The following MCC variants were observed in gnomAD, a reference collection of about 807,000 sequenced individuals.
MCC encodes the protein colorectal mutant cancer protein.
MCC carries 90 observed loss-of-function variants against 116.2 expected under a neutral mutation model. The ratio of observed to expected loss-of-function variants is 0.77; its 90% CI spans 0.65 to 0.92. MCC has a LOEUF of 0.92. Among genes scored for constraint, MCC ranks in the 40% least tolerant of loss-of-function variants. The pLI is 0.00. For synonymous variants in MCC, 578 were observed against 510.5 expected (o/e 1.13, Z -1.78); for missense variants, 1,516 against 1,312.2 (o/e 1.16, Z -2.40).
At chr5:113,254,749 A>G (rs1453508086) in intron 3 of MCC, among the ~76,000 whole-genome samples, 1 of 152,114 alleles carries the variant, frequency 6.6e-6, no homozygotes, top group Non-Finnish European at 1.5e-5. Context: ...GTGGTATTGG[A>G]GCCTCTGGAT....
At chr5:113,348,788 T>C (rs1252723407) in intron 2 of MCC, among the ~76,000 whole-genome samples, 4 of 151,894 alleles carry the variant, frequency 2.6e-5, no homozygotes, top group African/African-American at 9.6e-5. Context: ...TTTGAAAAGA[T>C]AAATAAAATT....
intron 3 of MCC, among the ~76,000 whole-genome samples, chr5:113,193,170 C>T (rs930311877): frequency 6.6e-6 from 1 of 152,162 alleles, no homozygotes; most frequent in Non-Finnish European, 1.5e-5. Flanking sequence ...TCCGTTATGA[C>T]ATCTTTTTCT....
Position 113,423,543 on chromosome 5 carries a change from C to T in MCC, c.171-38331G>A, listed in dbSNP as rs114569163. Among the ~76,000 whole-genome samples, 460 of 152,138 alleles carry T rather than the reference C, an allele frequency of 3.0e-3. 3 individuals are homozygous for T. Among genetic ancestry groups the T allele is most frequent in the African/African-American group, 0.011 (436 of 41,494 alleles). On this transcript the variant is annotated intron_variant, in intron 1 of 18. Transcript: ENST00000408903. ...TAATGAGAATTAACTGGTATAATAA[C>T]GAGGAGAACAGAAGTGATGATTAGA...
intron 3 of MCC, among the ~76,000 whole-genome samples, chr5:113,276,551 T>C (rs538340744): frequency 7.7e-4 from 118 of 152,316 alleles, no homozygotes; most frequent in African/African-American, 2.6e-3. Flanking sequence ...CGAACACAGA[T>C]TGAAAACCTA....
Position 113,083,953 on chromosome 5 carries a change from A to T in MCC, c.1635+148T>A, listed in dbSNP as rs112691215. 6.4e-6 allele frequency: 4 copies of T among 624,250 alleles called. No individual in the cohort carries two copies. The African/African-American group carries it at 7.3e-5, about 11-fold the overall frequency. 38.7% of individuals were successfully genotyped at this position (624,250 alleles called of 1,614,324 possible). A position where few individuals can be genotyped will look rare whatever the true frequency, so the allele number is the denominator to read the frequency against. ...GGAAATCATCATACATTTTAATTTA[A>T]TCCTTTGGAAGGAAATCAGGTATGA... is the stretch of plus-strand genomic sequence containing the variant. On this transcript the variant is annotated intron_variant, in intron 10 of 18. Transcript: ENST00000408903.
At chr5:113,283,505 C>G (rs1766132005) in intron 3 of MCC, among the ~76,000 whole-genome samples, 1 of 151,972 alleles carries the variant, frequency 6.6e-6, no homozygotes, top group Non-Finnish European at 1.5e-5. Context: ...TAGCTACAAT[C>G]AAAAATATAA....
chr5:113,367,246 G>T (rs759135303), intron 2 of MCC, among the ~76,000 whole-genome samples: 2 of 151,674 alleles, frequency 1.3e-5, no homozygotes, highest in Non-Finnish European at 2.9e-5. Flanking sequence ...GATAAGCCGA[G>T]TTTTTTTTCT....
intron 3 of MCC, among the ~76,000 whole-genome samples, chr5:113,304,681 T>C (rs1207285486): frequency 6.6e-6 from 1 of 152,008 alleles, no homozygotes; most frequent in African/African-American, 2.4e-5. Context: ...TCATTTGTTC[T>C]CCAAATTTCT....
intron 3 of MCC, among the ~76,000 whole-genome samples, chr5:113,290,827 T>G (rs966248893): frequency 3.9e-5 from 6 of 152,226 alleles, no homozygotes; most frequent in Non-Finnish European, 7.3e-5. Flanking sequence ...TGCAATGCTT[T>G]TGATTTGCCT....
rs566601626 is a variant in MCC, at chr5:113,466,782, G to T, written c.170+21463C>A. ...ACACTGACTTCCACAATGGTTGAAC[G>T]AGTTTACAGTCCCACCAACAGTGTA... On this transcript the variant is annotated intron_variant, in intron 1 of 18. Transcript: ENST00000408903. Among the ~76,000 whole-genome samples the T allele has an allele frequency of 5.5e-3, 821 of 150,594 alleles. 6 individuals are homozygous for T. Among genetic ancestry groups the T allele is most frequent in the African/African-American group, 0.018 (748 of 40,674 alleles).
At chr5:113,119,135 T>C (rs974162004) in intron 6 of MCC, among the ~76,000 whole-genome samples, 1 of 152,234 alleles carries the variant, frequency 6.6e-6, no homozygotes, top group African/African-American at 2.4e-5. Context: ...CTCAAGTATT[T>C]GAGTATCTCC....
chr5:113,178,503 A>G (rs531610831), intron 3 of MCC, among the ~76,000 whole-genome samples: 1 of 152,312 alleles, frequency 6.6e-6, no homozygotes, highest in East Asian at 1.9e-4. Context: ...AGCCAGAGAA[A>G]TAATAGAATC....
rs910166693 is a variant in MCC at position 113,025,116 on chromosome 5, T to G, written c.*2186A>C. The G allele has an allele frequency of 6.6e-6, 1 of 152,114 alleles. No homozygotes were observed. Among genetic ancestry groups the G allele is most frequent in the Non-Finnish European group, 1.5e-5 (1 of 68,034 alleles). 9.4% of individuals were successfully genotyped at this position (152,114 alleles called of 1,614,324 possible). ...TTTTATTCCTGCTTCAGCCACATGT[T>G]TCTGTGTCAGTGAAAATGAAAACTG... On this transcript the variant is annotated 3_prime_UTR_variant, in exon 19 of 19. Coordinates refer to ENST00000408903, the MANE Select transcript of MCC (RefSeq NM_001085377.2).
intron 3 of MCC, among the ~76,000 whole-genome samples, chr5:113,183,991 A>G (rs1419895357): frequency 6.6e-6 from 1 of 152,068 alleles, no homozygotes; most frequent in Non-Finnish European, 1.5e-5. Context: ...CAAAATCACA[A>G]TGCTGGTAAG....
chr5:113,095,949 T>C (rs1053245616), intron 8 of MCC, among the ~76,000 whole-genome samples: 1 of 152,186 alleles, frequency 6.6e-6, no homozygotes, highest in African/African-American at 2.4e-5. Context: ...ATTTCCTTCA[T>C]GGGGTGAGCT....
intron 4 of MCC, among the ~76,000 whole-genome samples, chr5:113,147,604 C>G (rs1378823676): frequency 2.0e-5 from 3 of 152,238 alleles, no homozygotes; most frequent in Non-Finnish European, 4.4e-5. Flanking sequence ...ATGTTACCCT[C>G]TCAAGGTCAC....
At chr5:113,066,788 A>C (rs1389093874) in intron 13 of MCC, among the ~76,000 whole-genome samples, 1 of 152,182 alleles carries the variant, frequency 6.6e-6, no homozygotes, top group Non-Finnish European at 1.5e-5. Context: ...GACAAGTCCT[A>C]ATGGAAGCTC....
chr5:113,076,938 C>A lies in MCC; in HGVS notation c.1785-5704G>T, dbSNP rs1754499164. Among the ~76,000 whole-genome samples the A allele has an allele frequency of 2.0e-5, 3 of 152,240 alleles. No homozygotes were observed. The South Asian group carries it at 6.2e-4, about 32-fold the overall frequency. ...TCTCACGAGCAGAGACACACATGGGCTCAAAATGAAGGCATGGAGGAAGAT... is the reference window on the plus strand; with the variant it reads ...TCTCACGAGCAGAGACACACATGGGATCAAAATGAAGGCATGGAGGAAGAT... On this transcript the variant is annotated intron_variant, in intron 11 of 18. Coordinates refer to ENST00000408903, the MANE Select transcript of MCC (RefSeq NM_001085377.2).
rs189641669 is a variant in MCC, at chr5:113,185,696, T to C, written c.628-34274A>G. On this transcript the variant is annotated intron_variant, in intron 3 of 18. Transcript: ENST00000408903. ...ACAAACTTCAACCTCTCTTGAGTCA[T>C]TGCCATCCCCAGGCATGTGAAAAAT... Among the ~76,000 whole-genome samples, 27 of 152,322 alleles carry C rather than the reference T, an allele frequency of 1.8e-4. No individual in the cohort carries two copies. In the South Asian group the frequency reaches 3.9e-3, roughly 22 times the overall value.
Sources: allele counts gnomAD v4.1 joint callset (sites outside exome capture counted in the v4.1 genomes callset), GRCh38; gene constraint gnomAD v4.1.1; transcripts MANE v1.5; gene names NCBI Gene and HGNC (gene_info 2026-07-23, HGNC 2026-07-21).